WHAMM: variants seen among roughly 807,000 people sequenced by gnomAD.
WHAMM encodes WASP homolog-associated protein with actin, membranes and microtubules.
In WHAMM, 67 loss-of-function variants were observed where a neutral mutation model predicts 76.5. The observed-to-expected ratio is 0.88, with a 90% CI of 0.72 to 1.07. WHAMM has a LOEUF of 1.07. Ranked by LOEUF, WHAMM falls within the 50% of genes least tolerant of loss-of-function variation. The pLI is 0.00. For synonymous variants in WHAMM, 419 were observed against 422.1 expected (o/e 0.99, Z 0.09); for missense variants, 1,021 against 1,051.1 (o/e 0.97, Z 0.40).
chr15:82,816,550 G>C, intron 2 of WHAMM, 142 bp from the exon 3 acceptor site: 1 of 757,230 alleles, frequency 1.3e-6, no homozygotes, highest in Non-Finnish European at 2.1e-6. Flanking sequence ...TACGCAGTAA[G>C]GGACTGCTGA....
chr15:82,833,178 G>A, intron 9 of WHAMM, 51 bp from the exon 10 acceptor site: 1 of 1,553,236 alleles, frequency 6.4e-7, no homozygotes, highest in African/African-American at 1.4e-5. Flanking sequence ...TAATGTCCTG[G>A]GAAGGGAAAG....
chr15:82,833,317 C>T lies in WHAMM; in HGVS notation c.2211C>T (p.Ala737=), dbSNP rs949773012. 6 of 1,613,894 alleles carry T rather than the reference C, an allele frequency of 3.7e-6. No individual in the cohort carries two copies. In the African/African-American group the frequency reaches 8.0e-5, roughly 22 times the overall value. ...VEVPAVRPPH[A]SINEHILAAI... ...TGCCGGCGGTGCGCCCTCCCCACGC[C>T]TCAATCAATGAGCACATTCTGGCTG... is the stretch of plus-strand genomic sequence containing the variant. The change falls in exon 10 of 10, where the codon GCC becomes GCT. Residue 737 remains alanine (A), a synonymous_variant. Coordinates refer to ENST00000286760, the MANE Select transcript of WHAMM (RefSeq NM_001080435.3).
At chr15:82,829,492 T>G (rs1040586131) in intron 8 of WHAMM, among the ~76,000 whole-genome samples, 4 of 152,246 alleles carry the variant, frequency 2.6e-5, no homozygotes, top group African/African-American at 9.6e-5. Context: ...GGGATTCTAA[T>G]TCTGCTGGCA....
Position 82,810,250 on chromosome 15 carries a change from G to A in WHAMM, c.524G>A (p.Gly175Asp). Reference sequence around the variant, plus strand: ...GACGCACTCTTCCCGGCTGAGGGCGGCGCGGCCGACTGCGAAAGCCCGCGC... The same window carrying A: ...GACGCACTCTTCCCGGCTGAGGGCGACGCGGCCGACTGCGAAAGCCCGCGC... ...VRDALFPAEG[G>D]AADCESPREF... Residue 175 changes from glycine to aspartate, a missense_variant, in exon 1 of 10, where the codon GGC becomes GAC. Transcript: ENST00000286760. 1.4e-6 allele frequency: 2 copies of A among 1,392,088 alleles called. No individual in the cohort carries two copies. Among genetic ancestry groups the A allele is most frequent in the Non-Finnish European group, 1.9e-6 (2 of 1,074,570 alleles). The allele number at this position is 1,392,088 out of a possible 1,614,324, so 86.2% of individuals were successfully genotyped here.
rs1424337462 is a variant in WHAMM at position 82,834,136 on chromosome 15, C to T, written c.*600C>T. 1 of 151,920 alleles carries T rather than the reference C, an allele frequency of 6.6e-6. No individual in the cohort carries two copies. Among genetic ancestry groups the T allele is most frequent in the Non-Finnish European group, 1.5e-5 (1 of 68,388 alleles). The allele number at this position is 151,920 out of a possible 1,614,324, so 9.4% of individuals were successfully genotyped here. ...TACTGCAACCTCCACCTCCCAGGTT[C>T]AAGCAATTCTCTGTCTCAGCCTCCC... is the stretch of plus-strand genomic sequence containing the variant. On this transcript the variant is annotated 3_prime_UTR_variant, in exon 10 of 10. Transcript: ENST00000286760.
chr15:82,826,629 C>T (rs1187991348), intron 7 of WHAMM, 122 bp from the exon 8 acceptor site: 55 of 1,567,880 alleles, frequency 3.5e-5, no homozygotes, highest in Middle Eastern at 3.4e-4. Context: ...GCAGCCTGGG[C>T]GCAGCCTTGG....
rs2050598463 is a variant in WHAMM at position 82,810,027 on chromosome 15, C to G, written c.301C>G (p.Leu101Val). 1 of 1,234,896 alleles carries G rather than the reference C, an allele frequency of 8.1e-7. No homozygotes were observed. Among genetic ancestry groups the G allele is most frequent in the East Asian group, 3.4e-5 (1 of 29,288 alleles). 76.5% of individuals were successfully genotyped at this position (1,234,896 alleles called of 1,614,324 possible). A position where few individuals can be genotyped will look rare whatever the true frequency, so the allele number is the denominator to read the frequency against. ...HRQLAALWPP[L>V]ERCFPRLPPE... The stretch of plus-strand genomic sequence containing the variant: ...GCAGTTGGCGGCGCTGTGGCCGCCT[C>G]TGGAGCGCTGCTTCCCGCGGCTGCC... The change falls in exon 1 of 10, where the codon CTG becomes GTG. Residue 101 changes from leucine (L) to valine (V), a missense_variant. By Grantham distance (32) the Leu-to-Val change is conservative (BLOSUM62 1). This residue lies in a region of WHAMM where 501 missense variants were observed against 524.9 expected (regional missense o/e 0.95). Transcript: ENST00000286760.
At chr15:82,815,143 AT>A (rs1400984891) in intron 2 of WHAMM, among the ~76,000 whole-genome samples, 4,482 of 47,898 alleles carry the variant, frequency 0.094, 413 homozygotes, top group African/African-American at 0.31. Context: ...ATATATATAT[AT>A]ATATATATAT....
chr15:82,823,319 TTC>T, intron 6 of WHAMM, 32 bp downstream of exon 6: 1 of 1,357,232 alleles, frequency 7.4e-7, no homozygotes. Flanking sequence ...TTCTTTTCTT[TTC>T]TCTTTCAGAG....
chr15:82,821,211 A>G (rs1284091799), intron 5 of WHAMM, among the ~76,000 whole-genome samples: 4 of 152,006 alleles, frequency 2.6e-5, no homozygotes, highest in African/African-American at 4.8e-5. Context: ...TCTCCTTGTC[A>G]TTTGTGTTTT....
chr15:82,819,923 G>A (rs1451951001), intron 5 of WHAMM, among the ~76,000 whole-genome samples: 10 of 152,122 alleles, frequency 6.6e-5, no homozygotes, highest in African/African-American at 2.2e-4. Flanking sequence ...TTGGGAGGCT[G>A]AGGCAGGAGA....
intron 2 of WHAMM, among the ~76,000 whole-genome samples, chr15:82,814,367 C>G (rs535141573): frequency 6.6e-6 from 1 of 152,296 alleles, no homozygotes; most frequent in Admixed American, 6.5e-5. Context: ...AGAGTCATAC[C>G]ACTCTAACCT....
At chr15:82,831,151 C>T (rs2051027458) in intron 9 of WHAMM, 72 bp downstream of exon 9, 1 of 1,528,186 alleles carries the variant, frequency 6.5e-7, no homozygotes, top group Non-Finnish European at 8.7e-7. Flanking sequence ...CTTCAGAAGC[C>T]ATCATCTTCA....
intron 1 of WHAMM, chr15:82,810,791 T>G (rs1596275113): frequency 1.0e-6 from 1 of 979,856 alleles, no homozygotes; most frequent in Admixed American, 6.2e-5. Flanking sequence ...GGAGATAGGG[T>G]GTTTTGTTTT....
At chr15:82,810,410 C>G (rs1596274795) in intron 1 of WHAMM, 75 bp downstream of exon 1, 3 of 1,228,992 alleles carry the variant, frequency 2.4e-6, no homozygotes, top group Non-Finnish European at 3.0e-6. Context: ...CCCCCGGCGC[C>G]GAGAGCCCTG....
rs1385577798 is a variant in WHAMM, at chr15:82,813,117, C to T, written c.624C>T (p.His208=). The T allele has an allele frequency of 3.1e-6, 5 of 1,601,284 alleles. No homozygotes were observed. The highest frequency in any genetic ancestry group is 2.0e-4 in the Middle Eastern group (1 of 4,940). ...DARLRQVIQG[H]GKANTMVALM... is the part of the protein sequence containing the mutation. ...TTGCTTTCTAGGTTATTCAAGGACA[C>T]GGAAAAGCCAACACCATGGTAGCAT... Residue 208 remains histidine (H), a synonymous_variant, in exon 2 of 10, where the codon CAC becomes CAT. Transcript: ENST00000286760.
chr15:82,822,312 A>C (rs551119943), intron 5 of WHAMM, among the ~76,000 whole-genome samples: 1 of 152,384 alleles, frequency 6.6e-6, no homozygotes, highest in South Asian at 2.1e-4. Context: ...TAAAAAGTGT[A>C]CACAAAGATT....
chr15:82,809,885 G>T lies in WHAMM; in HGVS notation c.159G>T (p.Arg53=). Residue 53 remains arginine, a synonymous_variant, in exon 1 of 10, where the codon CGG becomes CGT. Transcript: ENST00000286760. ...VTCHDRTAQQ[R]RLREGARLGP... is the part of the protein sequence containing the mutation. ...GTCACGACCGTACCGCGCAGCAGCG[G>T]CGGCTGCGCGAGGGGGCCCGGTTGG... 1 of 1,557,392 alleles carries T rather than the reference G, an allele frequency of 6.4e-7. No individual in the cohort carries two copies.
Position 82,809,642 on chromosome 15 carries a change from T to C in WHAMM, c.-85T>C. ...CGGTTTCGATTCTAGCGAAAAATGATTTGGCTCGGACTGTCCCGTGACAGG... is the reference window on the plus strand; with the variant it reads ...CGGTTTCGATTCTAGCGAAAAATGACTTGGCTCGGACTGTCCCGTGACAGG... On this transcript the variant is annotated 5_prime_UTR_variant, in exon 1 of 10. Transcript: ENST00000286760. 3.5e-6 allele frequency: 4 copies of C among 1,158,528 alleles called. No individual in the cohort carries two copies. Among genetic ancestry groups the C allele is most frequent in the South Asian group, 5.6e-5 (2 of 35,770 alleles). The allele number at this position is 1,158,528 out of a possible 1,614,324, so 71.8% of individuals were successfully genotyped here.
Sources: gnomAD v4.1 joint callset for allele counts (sites outside exome capture counted in the v4.1 genomes callset) on GRCh38, gnomAD v4.1.1 for gene constraint, gnomAD v4.1.1 regional missense constraint, MANE v1.5 for transcripts, NCBI Gene and HGNC (gene_info 2026-07-23, HGNC 2026-07-21) for gene names.